CAPZA1: variants seen among roughly 807,000 people sequenced by gnomAD.
CAPZA1 encodes F-actin-capping protein subunit alpha-1.
Under a neutral mutation model 40.8 loss-of-function variants are expected in CAPZA1, and 10 were observed. That is an observed-to-expected ratio of 0.25 (90% CI 0.15 to 0.42). The LOEUF (loss-of-function observed/expected upper bound fraction) is 0.42, where lower values mean the gene tolerates loss of function less well. Among genes scored for constraint, CAPZA1 ranks in the 10% least tolerant of loss-of-function variants. CAPZA1 has a pLI of 1.00. For synonymous variants in CAPZA1, 98 were observed against 115.0 expected (o/e 0.85, Z 0.95); for missense variants, 277 against 353.8 (o/e 0.78, Z 1.74).
At chr1:112,624,892 C>T (rs1670776578) in intron 1 of CAPZA1, among the ~76,000 whole-genome samples, 1 of 152,110 alleles carries the variant, frequency 6.6e-6, no homozygotes, top group Non-Finnish European at 1.5e-5. Flanking sequence ...AGGTTCTATT[C>T]ATTGTCTGCT....
At position 112,670,213 on chromosome 1, in the gene CAPZA1, CAA is replaced by C. The variant is rs1049248507; in HGVS notation, c.*82_*83del. 88 of 1,521,580 alleles carry C rather than the reference CAA, an allele frequency of 5.8e-5. No individual in the cohort carries two copies. The African/African-American group carries it at 9.0e-4, about 15-fold the overall frequency. 94.3% of individuals were successfully genotyped at this position (1,521,580 alleles called of 1,614,324 possible). On this transcript the variant is annotated 3_prime_UTR_variant, in exon 10 of 10. Transcript: ENST00000263168. ...ATATGATAAATAAGTGATTTATAAA[CAA>C]GAGTGATATTTTGCTAGGGCTTTCA... is the stretch of plus-strand genomic sequence containing the variant.
chr1:112,656,002 A>G (rs1268079918), intron 5 of CAPZA1, among the ~76,000 whole-genome samples: 1 of 152,230 alleles, frequency 6.6e-6, no homozygotes, highest in African/African-American at 2.4e-5. Context: ...TATGATATGT[A>G]CAACATGATA....
intron 1 of CAPZA1, among the ~76,000 whole-genome samples, chr1:112,640,564 C>T (rs1671132258): frequency 8.0e-6 from 1 of 124,258 alleles, no homozygotes; most frequent in Non-Finnish European, 1.7e-5. Context: ...GAGGAGCCCC[C>T]TGCCCGGCCA....
chr1:112,665,969 TTTCC>T, intron 7 of CAPZA1, among the ~76,000 whole-genome samples: 1 of 152,312 alleles, frequency 6.6e-6, no homozygotes, highest in East Asian at 1.9e-4. Context: ...AAACATTCCT[TTTCC>T]CGTGTGTCAC....
chr1:112,624,703 C>A (rs1262534956), intron 1 of CAPZA1, among the ~76,000 whole-genome samples: 1 of 151,474 alleles, frequency 6.6e-6, no homozygotes, highest in South Asian at 2.1e-4. Context: ...GTGCTTCTAG[C>A]CACCTTGTCA....
chr1:112,623,046 C>T (rs1029325361), intron 1 of CAPZA1, among the ~76,000 whole-genome samples: 3 of 151,972 alleles, frequency 2.0e-5, no homozygotes, highest in South Asian at 4.1e-4. Context: ...CCACCACACC[C>T]GGCTAATTTT....
At chr1:112,649,320 A>AT (rs1176463465) in intron 2 of CAPZA1, 98 bp from the exon 3 acceptor site, 1 of 874,518 alleles carries the variant, frequency 1.1e-6, no homozygotes, top group Non-Finnish European at 1.9e-6. Flanking sequence ...CTGAAGACTA[A>AT]TTTTACAAAG....
intron 1 of CAPZA1, among the ~76,000 whole-genome samples, chr1:112,640,182 G>GT (rs1671118473): frequency 3.2e-5 from 4 of 125,788 alleles, no homozygotes; most frequent in African/African-American, 6.1e-5. Flanking sequence ...AGTCCGGGAG[G>GT]GAGGTGGGGG....
At chr1:112,629,260 T>G (rs557568587) in intron 1 of CAPZA1, among the ~76,000 whole-genome samples, 1 of 152,354 alleles carries the variant, frequency 6.6e-6, no homozygotes, top group Admixed American at 6.5e-5. Context: ...CTTTTCCTTC[T>G]GTATCCCTCA....
intron 1 of CAPZA1, among the ~76,000 whole-genome samples, chr1:112,624,014 AAAAAAAG>A (rs927362497): frequency 2.1e-4 from 30 of 145,444 alleles, no homozygotes; most frequent in Middle Eastern, 3.5e-3. Flanking sequence ...TCAAAAAAAA[AAAAAAAG>A]AAAAAAGAAA....
chr1:112,652,337 C>G (rs369698294), intron 3 of CAPZA1, among the ~76,000 whole-genome samples: 4 of 151,410 alleles, frequency 2.6e-5, no homozygotes, highest in African/African-American at 7.3e-5. Context: ...CAGAAATTAG[C>G]TGGGCATGGT....
chr1:112,633,417 A>G (rs961412561), intron 1 of CAPZA1, among the ~76,000 whole-genome samples: 2 of 151,672 alleles, frequency 1.3e-5, no homozygotes, highest in African/African-American at 4.8e-5. Flanking sequence ...AAAAGACAGA[A>G]TTTCCTTCTT....
intron 2 of CAPZA1, among the ~76,000 whole-genome samples, chr1:112,647,640 T>TA (rs1671306718): frequency 6.6e-6 from 1 of 152,230 alleles, no homozygotes; most frequent in African/African-American, 2.4e-5. Context: ...AGTCACATGA[T>TA]ATGGAACACT....
At chr1:112,631,930 A>G (rs1388388764) in intron 1 of CAPZA1, among the ~76,000 whole-genome samples, 2 of 152,164 alleles carry the variant, frequency 1.3e-5, no homozygotes, top group Non-Finnish European at 2.9e-5. Flanking sequence ...TTTAAACACT[A>G]CTAAGTGGTA....
intron 1 of CAPZA1, among the ~76,000 whole-genome samples, chr1:112,636,403 A>C (rs1671020421): frequency 6.6e-6 from 1 of 152,212 alleles, no homozygotes; most frequent in Non-Finnish European, 1.5e-5. Context: ...TATATATTTT[A>C]AATCCCCCCT....
intron 1 of CAPZA1, among the ~76,000 whole-genome samples, chr1:112,633,063 A>C (rs1670952026): frequency 6.6e-6 from 1 of 152,240 alleles, no homozygotes; most frequent in Admixed American, 6.5e-5. Flanking sequence ...TAGTTTATTT[A>C]GAATTTTAAG....
intron 3 of CAPZA1, among the ~76,000 whole-genome samples, chr1:112,652,209 C>T (rs192224288): frequency 3.2e-3 from 470 of 145,074 alleles, no homozygotes; most frequent in Non-Finnish European, 4.9e-3. Context: ...AGGCTGGGCA[C>T]GGTGGTTCAT....
At chr1:112,630,590 A>C (rs988614048) in intron 1 of CAPZA1, among the ~76,000 whole-genome samples, 2 of 151,732 alleles carry the variant, frequency 1.3e-5, no homozygotes, top group African/African-American at 2.4e-5. Flanking sequence ...TGATGCACCC[A>C]CCTCGTCCTC....
Position 112,619,869 on chromosome 1 carries a change from T to C in CAPZA1, c.25T>C (p.Ser9Pro). Residue 9 changes from serine (S) to proline (P), a missense_variant, in exon 1 of 10, where the codon TCG (serine) becomes CCG (proline). Ser to Pro is a moderately conservative substitution (Grantham distance 74). This residue lies in a region of CAPZA1 where 85 missense variants were observed against 76.5 expected (regional missense o/e 1.11). Transcript: ENST00000263168. MADFDDRV[S>P]DEEKVRIAAK... ...GATGGCCGACTTCGATGATCGTGTG[T>C]CGGATGAGGAGAAGGTAAGGGGTCC... The C allele has an allele frequency of 6.2e-7, 1 of 1,612,602 alleles. No homozygotes were observed. Among genetic ancestry groups the C allele is most frequent in the Non-Finnish European group, 8.5e-7 (1 of 1,179,434 alleles).
Sources: gnomAD v4.1 joint callset for allele counts (sites outside exome capture counted in the v4.1 genomes callset) on GRCh38, gnomAD v4.1.1 for gene constraint, gnomAD v4.1.1 regional missense constraint, MANE v1.5 for transcripts, NCBI Gene and HGNC (gene_info 2026-07-23, HGNC 2026-07-21) for gene names.